Variants in TEX11 observed in about 807,000 individuals in gnomAD.
TEX11 encodes testis-expressed protein 11.
Under a neutral mutation model 84.4 loss-of-function variants are expected in TEX11, and 7 were observed. The ratio of observed to expected loss-of-function variants is 0.08; its 90% CI spans 0.05 to 0.16. The LOEUF is 0.16. Ranked by LOEUF, TEX11 falls within the 10% of genes least tolerant of loss-of-function variation. The pLI, the probability that TEX11 is intolerant of heterozygous loss-of-function variation, is 1.00. For missense variants in TEX11, 551 were observed against 660.5 expected (o/e 0.83, Z 1.82); for synonymous variants, 264 against 222.8 (o/e 1.18, Z -1.64).
At chrX:70,633,793 C>T (rs2089538110) in intron 17 of TEX11, among the ~76,000 whole-genome samples, 2 of 111,089 alleles carry the variant, frequency 1.8e-5, no homozygotes, top group African/African-American at 6.6e-5. Flanking sequence ...TGGTGCATGC[C>T]TGTAATCCCA....
intron 13 of TEX11, among the ~76,000 whole-genome samples, chrX:70,686,584 A>C (rs2090190769): frequency 3.6e-5 from 4 of 110,438 alleles, no homozygotes; most frequent in South Asian, 4.0e-4. Flanking sequence ...TAGCTAATGC[A>C]TGTGGGGCTT....
At position 70,549,475 on chromosome X, in the gene TEX11, G is replaced by A. The variant is rs753203863; in HGVS notation, c.2520+2651C>T. On this transcript the variant is annotated intron_variant, in intron 28 of 29. Coordinates refer to ENST00000374333, the MANE Select transcript of TEX11 (RefSeq NM_031276.3). ...CACCAAGTGGGCTCCTAGGGTCCCC[G>A]GTTCCAGGCCTTGGCTCTTGGATGG... Among the ~76,000 whole-genome samples, 9 of 111,646 alleles carry A rather than the reference G, an allele frequency of 8.1e-5. No homozygotes were observed. The East Asian group carries it at 2.3e-3, about 28-fold the overall frequency.
chrX:70,623,893 G>GT (rs1257012402), intron 20 of TEX11, 57 bp downstream of exon 20: 77 of 1,007,372 alleles, frequency 7.6e-5, no homozygotes, highest in Non-Finnish European at 1.0e-4. Flanking sequence ...GATTTATATT[G>GT]TAAGTTACTA....
chrX:70,621,581 T>TATATATATATATAA (rs1337680043), intron 20 of TEX11, among the ~76,000 whole-genome samples: 1 of 51,366 alleles, frequency 1.9e-5, no homozygotes, highest in Non-Finnish European at 3.3e-5. Flanking sequence ...TATATATAAA[T>TATATATATATATAA]AAAAATAAAA....
At chrX:70,758,184 A>G (rs1326571485) in intron 9 of TEX11, among the ~76,000 whole-genome samples, 1 of 111,894 alleles carries the variant, frequency 8.9e-6, no homozygotes, top group African/African-American at 3.2e-5. Context: ...GGGAGACTTT[A>G]ACAACCCACT....
intron 17 of TEX11, among the ~76,000 whole-genome samples, chrX:70,638,729 A>G (rs2089605529): frequency 1.1e-5 from 1 of 94,155 alleles, no homozygotes; most frequent in Admixed American, 1.3e-4. Context: ...TGAACCCGGG[A>G]GGTGGAGGTT....
At chrX:70,892,793 T>C (rs769990424) in intron 2 of TEX11, among the ~76,000 whole-genome samples, 6 of 108,495 alleles carry the variant, frequency 5.5e-5, no homozygotes, top group Non-Finnish European at 1.1e-4. Context: ...ATCACTGTGC[T>C]GTATTCAGGA....
At chrX:70,722,301 C>T (rs2090565492) in intron 13 of TEX11, among the ~76,000 whole-genome samples, 1 of 111,829 alleles carries the variant, frequency 8.9e-6, no homozygotes, top group Non-Finnish European at 1.9e-5. Context: ...TGAGAGAGTC[C>T]TGCTCTGTTG....
intron 4 of TEX11, among the ~76,000 whole-genome samples, chrX:70,862,847 G>A (rs1366670805): frequency 5.5e-5 from 6 of 108,273 alleles, no homozygotes; most frequent in South Asian, 4.2e-4. Context: ...CCTGGGAGGC[G>A]GAAGTTGCAG....
chrX:70,903,979 CTTTTT>C (rs34397286), intron 2 of TEX11, among the ~76,000 whole-genome samples: 2 of 29,961 alleles, frequency 6.7e-5, no homozygotes, highest in Non-Finnish European at 1.2e-4. Context: ...CCACATCCAG[CTTTTT>C]TTTTTTTTTT....
rs375806206 is a variant in TEX11 at position 70,532,944 on chromosome X, A to G, written c.2521-2945T>C. Among the ~76,000 whole-genome samples the G allele has an allele frequency of 2.3e-4, 26 of 111,001 alleles. No homozygotes were observed. In the East Asian group the frequency reaches 6.8e-3, roughly 29 times the overall value. On this transcript the variant is annotated intron_variant, in intron 28 of 29. Coordinates refer to ENST00000374333, the MANE Select transcript of TEX11 (RefSeq NM_031276.3). ...TCCCAGCTACTCGGAAGGCTGAGGC[A>G]GGAGAATGGCGTGAACCTGGGAGGC...
intron 26 of TEX11, among the ~76,000 whole-genome samples, chrX:70,554,391 C>T (rs6625629): frequency 0.43 from 47,467 of 110,328 alleles, 8,400 homozygotes; most frequent in East Asian, 0.61. Flanking sequence ...CAATGAACTT[C>T]GCTAGGGTTT....
intron 4 of TEX11, 34 bp downstream of exon 4, chrX:70,873,189 G>A (rs773759075): frequency 2.4e-6 from 2 of 827,804 alleles, no homozygotes; most frequent in South Asian, 2.1e-5. Context: ...GTAAGAACAC[G>A]CCTCATAATA....
intron 9 of TEX11, among the ~76,000 whole-genome samples, chrX:70,748,160 T>A (rs1273969714): frequency 2.7e-5 from 3 of 110,328 alleles, no homozygotes; most frequent in Non-Finnish European, 3.8e-5. Flanking sequence ...AAAGGACAAA[T>A]AAATATTCAA....
chrX:70,681,667 GT>G (rs533821321), intron 14 of TEX11, among the ~76,000 whole-genome samples: 47 of 111,009 alleles, frequency 4.2e-4, no homozygotes, highest in South Asian at 3.1e-3. Context: ...AATTGGTAGA[GT>G]TTTTTTTCCT....
At chrX:70,676,971 A>C (rs763067072) in intron 15 of TEX11, among the ~76,000 whole-genome samples, 1 of 112,154 alleles carries the variant, frequency 8.9e-6, no homozygotes, top group East Asian at 2.8e-4. Context: ...TGAATGCATG[A>C]AATACAATTA....
chrX:70,751,711 A>G (rs998650381), intron 9 of TEX11, among the ~76,000 whole-genome samples: 1 of 112,221 alleles, frequency 8.9e-6, no homozygotes, highest in African/African-American at 3.2e-5. Context: ...TTAAGAGTAA[A>G]TAAATACATT....
chrX:70,725,594 A>G (rs1173183620), intron 11 of TEX11, among the ~76,000 whole-genome samples: 1 of 112,258 alleles, frequency 8.9e-6, no homozygotes, highest in African/African-American at 3.2e-5. Flanking sequence ...ATTTAATGAC[A>G]AGATTAATAC....
At chrX:70,660,319 T>C (rs2089912327) in intron 16 of TEX11, among the ~76,000 whole-genome samples, 2 of 112,270 alleles carry the variant, frequency 1.8e-5, no homozygotes, top group Non-Finnish European at 3.8e-5. Context: ...TAATGGAGTT[T>C]ACTGTAACTT....
Sources: allele counts gnomAD v4.1 joint callset (sites outside exome capture counted in the v4.1 genomes callset), GRCh38; gene constraint gnomAD v4.1.1; transcripts MANE v1.5; gene names NCBI Gene and HGNC (gene_info 2026-07-23, HGNC 2026-07-21).